The following MYO1H variants were observed in gnomAD, a reference collection of about 807,000 sequenced individuals.
MYO1H encodes the protein myosin IH.
A neutral mutation model predicts 149.3 loss-of-function variants in MYO1H; 118 were observed. The observed-to-expected ratio is 0.79, with a 90% CI of 0.68 to 0.92. The LOEUF (loss-of-function observed/expected upper bound fraction) is 0.92, where lower values mean the gene tolerates loss of function less well. Among genes scored for constraint, MYO1H ranks in the 40% least tolerant of loss-of-function variants. The probability of loss-of-function intolerance (pLI) is 0.00; values close to 1 mark genes in which losing one functional copy is unlikely to be tolerated. For synonymous variants in MYO1H, 447 were observed against 465.2 expected (o/e 0.96, Z 0.50); for missense variants, 1,212 against 1,280.7 (o/e 0.95, Z 0.82).
intron 16 of MYO1H, among the ~76,000 whole-genome samples, chr12:109,423,936 A>T (rs1454144841): frequency 1.3e-5 from 2 of 152,194 alleles, no homozygotes; most frequent in African/African-American, 4.8e-5. Flanking sequence ...CAGGGGCGAA[A>T]GTCAAACAGT....
At chr12:109,325,917 C>A in the MYO1H span, among the ~76,000 whole-genome samples, 1 of 152,212 alleles carries the variant, frequency 6.6e-6, no homozygotes, top group Non-Finnish European at 1.5e-5. Flanking sequence ...AGTCAGGAAA[C>A]AACCAATGTT....
intron 1 of MYO1H, among the ~76,000 whole-genome samples, chr12:109,367,002 GAAGA>G (rs2137011241): frequency 6.6e-6 from 1 of 152,292 alleles, no homozygotes; most frequent in South Asian, 2.1e-4. Flanking sequence ...TCCAAAATCA[GAAGA>G]AAGTTCAAAA....
the MYO1H span, among the ~76,000 whole-genome samples, chr12:109,314,849 C>G: frequency 6.6e-6 from 1 of 152,268 alleles, no homozygotes; most frequent in South Asian, 2.1e-4. Context: ...CCTGTAATCC[C>G]AGCACTTTGG....
At chr12:109,356,609 A>G (rs1868611652) in intron 1 of MYO1H, among the ~76,000 whole-genome samples, 1 of 152,142 alleles carries the variant, frequency 6.6e-6, no homozygotes, top group Non-Finnish European at 1.5e-5. Flanking sequence ...CCCTCTATTT[A>G]TGCTGAAAAA....
At position 109,435,036 on chromosome 12, in the gene MYO1H, G is replaced by C; in HGVS notation, c.2064-1G>C. The C allele has an allele frequency of 6.2e-7, 1 of 1,604,300 alleles. No individual in the cohort carries two copies. The highest frequency in any genetic ancestry group is 8.5e-7 in the Non-Finnish European group (1 of 1,176,180). ...ACAAAAACATTTCTTTTCACTTCTAGAACCAAAATATTCATTCGTTTCCCC... is the reference window on the plus strand; with the variant it reads ...ACAAAAACATTTCTTTTCACTTCTACAACCAAAATATTCATTCGTTTCCCC... On this transcript the variant is annotated splice_acceptor_variant, in intron 20 of 31. Coordinates refer to ENST00000310903, the Ensembl canonical transcript of MYO1H. LOFTEE classifies it high-confidence loss of function.
chr12:109,386,222 T>A (rs1049893337), intron 1 of MYO1H, among the ~76,000 whole-genome samples: 1 of 152,234 alleles, frequency 6.6e-6, no homozygotes, highest in African/African-American at 2.4e-5. Context: ...CTCCTTCTAT[T>A]GTACAGATGG....
At chr12:109,355,410 A>G (rs1312227661) in intron 1 of MYO1H, among the ~76,000 whole-genome samples, 3 of 152,164 alleles carry the variant, frequency 2.0e-5, no homozygotes, top group African/African-American at 7.2e-5. Context: ...TGAAATGCAG[A>G]TTCTGACTCA....
intron 31 of MYO1H, chr12:109,446,468 A>G (rs1872482609): frequency 2.0e-6 from 2 of 985,442 alleles, no homozygotes; most frequent in African/African-American, 3.5e-5. Flanking sequence ...ATTTACCTAT[A>G]AAGTCATTTT....
chr12:109,375,466 TA>T (rs1393410736), intron 1 of MYO1H, among the ~76,000 whole-genome samples: 1 of 152,198 alleles, frequency 6.6e-6, no homozygotes, highest in Non-Finnish European at 1.5e-5. Context: ...CATTCAATTT[TA>T]TATAAAATGC....
intron 19 of MYO1H, among the ~76,000 whole-genome samples, chr12:109,430,272 G>C (rs559646881): frequency 2.0e-5 from 3 of 152,172 alleles, no homozygotes; most frequent in African/African-American, 7.2e-5. Flanking sequence ...TCGAGCTGGA[G>C]ATAGCCAAAC....
chr12:109,388,636 A>C, intron 1 of MYO1H, 47 bp from the exon 2 acceptor site: 1 of 1,481,360 alleles, frequency 6.8e-7, no homozygotes. Flanking sequence ...CGTGTAATAG[A>C]TATTACCAAA....
At chr12:109,367,753 C>G (rs1048370152) in intron 1 of MYO1H, among the ~76,000 whole-genome samples, 1 of 151,996 alleles carries the variant, frequency 6.6e-6, no homozygotes, top group Non-Finnish European at 1.5e-5. Context: ...AGGGTTTCAC[C>G]GTGTTAGCCA....
chr12:109,318,967 G>GTTTTTTTTTTTTTTTTTTTTTTTTTTTT, the MYO1H span, among the ~76,000 whole-genome samples: 9 of 79,594 alleles, frequency 1.1e-4, 1 homozygote, highest in African/African-American at 2.4e-4. Context: ...TGCGTTTTTG[G>GTTTTTTTTTTTTTTTTTTTTTTTTTTTT]TTTTGTTTTT....
At chr12:109,391,548 A>T (rs1407491294) in intron 2 of MYO1H, among the ~76,000 whole-genome samples, 1 of 152,174 alleles carries the variant, frequency 6.6e-6, no homozygotes, top group Admixed American at 6.5e-5. Flanking sequence ...ACACACGTGT[A>T]CATGTATCTT....
intron 10 of MYO1H, 61 bp from the exon 11 acceptor site, chr12:109,409,496 C>T: frequency 7.0e-7 from 1 of 1,426,496 alleles, no homozygotes; most frequent in South Asian, 1.1e-5. Flanking sequence ...GGAGCAGCAA[C>T]AGTTTTGAGT....
chr12:109,321,099 A>G, the MYO1H span, among the ~76,000 whole-genome samples: 1 of 152,096 alleles, frequency 6.6e-6, no homozygotes, highest in Non-Finnish European at 1.5e-5. Flanking sequence ...AAAGCCCTCA[A>G]AAACACAAAT....
chr12:109,400,323 T>C (rs1870108945), intron 5 of MYO1H, among the ~76,000 whole-genome samples: 1 of 152,234 alleles, frequency 6.6e-6, no homozygotes, highest in Admixed American at 6.5e-5. Flanking sequence ...GGATAATTAA[T>C]GATGGTTCCG....
intron 31 of MYO1H, 86 bp from the exon 32 acceptor site, chr12:109,447,073 A>C: frequency 7.5e-7 from 1 of 1,338,184 alleles, no homozygotes; most frequent in Non-Finnish European, 1.1e-6. Context: ...CCACCTTGCT[A>C]ATGGTGACAG....
intron 1 of MYO1H, among the ~76,000 whole-genome samples, chr12:109,380,037 T>A (rs1347968129): frequency 6.6e-6 from 1 of 152,078 alleles, no homozygotes; most frequent in Non-Finnish European, 1.5e-5. Context: ...GGCCAGCAAT[T>A]TTAACTTTTT....
Sources: allele counts gnomAD v4.1 joint callset (sites outside exome capture counted in the v4.1 genomes callset), GRCh38; gene constraint gnomAD v4.1.1; transcripts MANE v1.5; gene names NCBI Gene and HGNC (gene_info 2026-07-23, HGNC 2026-07-21).